PDCD11: variants seen among roughly 807,000 people sequenced by gnomAD.
PDCD11 encodes the protein programmed cell death 11, also known as protein RRP5 homolog.
Under a neutral mutation model 198.9 loss-of-function variants are expected in PDCD11, and 97 were observed. That is an observed-to-expected ratio of 0.49 (90% CI 0.41 to 0.58). The LOEUF (loss-of-function observed/expected upper bound fraction) is 0.58. Among genes scored for constraint, PDCD11 ranks in the 20% least tolerant of loss-of-function variants. The pLI is 0.00. For missense variants in PDCD11, 2,102 were observed against 2,312.7 expected, an observed-to-expected ratio of 0.91 and a Z score of 1.87; for synonymous variants, 893 against 918.0, an observed-to-expected ratio of 0.97 and a Z score of 0.49.
intron 13 of PDCD11, among the ~76,000 whole-genome samples, chr10:103,417,044 G>C (rs1277055365): frequency 6.6e-6 from 1 of 152,154 alleles, no homozygotes; most frequent in Non-Finnish European, 1.5e-5. Context: ...CACCACATGG[G>C]GGCAGTGCTG....
intron 34 of PDCD11, 46 bp from the exon 35 acceptor site, chr10:103,444,471 G>C (rs1228516142): frequency 6.3e-7 from 1 of 1,577,608 alleles, no homozygotes; most frequent in Non-Finnish European, 8.7e-7. Flanking sequence ...GTTGTGGTGA[G>C]GGGGCTGTCT....
chr10:103,429,184 A>G (rs1305797128), intron 21 of PDCD11, among the ~76,000 whole-genome samples: 1 of 152,126 alleles, frequency 6.6e-6, no homozygotes, highest in African/African-American at 2.4e-5. Context: ...GTTAAGATTC[A>G]TCTTACCTGC....
chr10:103,398,848 G>A (rs766623211), intron 2 of PDCD11, among the ~76,000 whole-genome samples: 2 of 152,014 alleles, frequency 1.3e-5, no homozygotes, highest in Admixed American at 6.6e-5. Context: ...GTGAAACCCC[G>A]TCTATACTAA....
At chr10:103,414,484 TTG>T (rs2030990728) in intron 11 of PDCD11, among the ~76,000 whole-genome samples, 154 bp downstream of exon 11, 1 of 152,278 alleles carries the variant, frequency 6.6e-6, no homozygotes, top group South Asian at 2.1e-4. Flanking sequence ...TTCTCTTTCT[TTG>T]GGTAACTCAT....
At chr10:103,407,858 A>G (rs1218408131) in intron 7 of PDCD11, among the ~76,000 whole-genome samples, 5 of 151,924 alleles carry the variant, frequency 3.3e-5, no homozygotes, top group Non-Finnish European at 5.9e-5. Flanking sequence ...AGCTGGGACT[A>G]CAGGCATACA....
intron 3 of PDCD11, among the ~76,000 whole-genome samples, chr10:103,401,719 G>A (rs941658647): frequency 7.9e-5 from 12 of 152,124 alleles, no homozygotes; most frequent in African/African-American, 2.9e-4. Context: ...GTTAGACTTG[G>A]TGCCAACATT....
At chr10:103,410,616 C>CTT (rs1316510810) in intron 8 of PDCD11, among the ~76,000 whole-genome samples, 1 of 89,760 alleles carries the variant, frequency 1.1e-5, no homozygotes, top group African/African-American at 4.1e-5. Flanking sequence ...TTTTTTTTTT[C>CTT]TTTTTTTTTT....
At chr10:103,417,337 A>G (rs945520005) in intron 13 of PDCD11, among the ~76,000 whole-genome samples, 7 of 152,128 alleles carry the variant, frequency 4.6e-5, no homozygotes, top group African/African-American at 1.7e-4. Flanking sequence ...ATACCCGGCT[A>G]ATTTTTGTAT....
intron 24 of PDCD11, 114 bp from the exon 25 acceptor site, chr10:103,434,684 C>T: frequency 2.5e-6 from 2 of 811,420 alleles, no homozygotes; most frequent in Non-Finnish European, 3.8e-6. Flanking sequence ...TCACTCAGCC[C>T]AGATACCCCA....
chr10:103,401,867 T>G (rs1176562731), intron 3 of PDCD11, among the ~76,000 whole-genome samples: 1 of 151,876 alleles, frequency 6.6e-6, no homozygotes, highest in Admixed American at 6.6e-5. Context: ...CTCAGCCTCC[T>G]GAGTAGCTGG....
intron 3 of PDCD11, among the ~76,000 whole-genome samples, chr10:103,401,296 G>A (rs969006463): frequency 1.7e-4 from 26 of 150,836 alleles, no homozygotes; most frequent in African/African-American, 6.1e-4. Flanking sequence ...ATTTTGAGAC[G>A]GAATCTCTCT....
At chr10:103,438,147 A>C in intron 26 of PDCD11, 76 bp downstream of exon 26, 1 of 1,295,076 alleles carries the variant, frequency 7.7e-7, no homozygotes, top group Non-Finnish European at 1.1e-6. Context: ...TGTATCTGAC[A>C]CAGAATTTTG....
chr10:103,432,258 A>G lies in PDCD11; in HGVS notation c.3474+24A>G, dbSNP rs376168301. 40 of 1,438,554 alleles carry G rather than the reference A, an allele frequency of 2.8e-5. No individual in the cohort carries two copies. The African/African-American group carries it at 2.8e-4, about 10-fold the overall frequency. The allele number at this position is 1,438,554 out of a possible 1,614,324, so 89.1% of individuals were successfully genotyped here. On this transcript the variant is annotated intron_variant, in intron 22 of 35. Coordinates refer to ENST00000369797, the MANE Select transcript of PDCD11 (RefSeq NM_014976.2). ...AAGTAAGTAGTTTTGCCACTCGGCA[A>G]TGAGATGTCATTCTTCTTTCAGAAA...
chr10:103,422,133 G>C (rs2031475563), intron 17 of PDCD11, among the ~76,000 whole-genome samples: 1 of 149,540 alleles, frequency 6.7e-6, no homozygotes, highest in Non-Finnish European at 1.5e-5. Context: ...CTGGGATGGA[G>C]TGTGGTGGTG....
chr10:103,426,055 A>T (rs2031681733), intron 20 of PDCD11, among the ~76,000 whole-genome samples: 1 of 152,222 alleles, frequency 6.6e-6, no homozygotes, highest in Non-Finnish European at 1.5e-5. Flanking sequence ...AACTGTGACC[A>T]TGTGGCAGTA....
In PDCD11 at chr10:103,405,015, T is replaced by C. The variant is rs1592112849; in HGVS notation, c.403-7T>C. 8.7e-6 allele frequency: 14 copies of C among 1,613,398 alleles called. No homozygotes were observed. The East Asian group carries it at 3.1e-4, about 36-fold the overall frequency. On this transcript the variant is annotated splice_region_variant and splice_polypyrimidine_tract_variant and intron_variant, in intron 4 of 35. Coordinates refer to ENST00000369797, the MANE Select transcript of PDCD11 (RefSeq NM_014976.2). ...TATATCAGGTCTTTCTCATTTGTGT[T>C]ATGCAGGACCTACTTCACTTGCCTG...
intron 24 of PDCD11, 80 bp from the exon 25 acceptor site, chr10:103,434,718 C>T (rs113584601): frequency 1.6e-6 from 2 of 1,260,622 alleles, no homozygotes; most frequent in African/African-American, 1.5e-5. Flanking sequence ...TCCACCTTCC[C>T]CAGCCTGTGT....
At position 103,440,198 on chromosome 10, in the gene PDCD11, C is replaced by T. The variant is rs76444040; in HGVS notation, c.4149-92C>T. ...GGCAGATGGGGGCAGGGCCCAGAAT[C>T]GTGGGCTGATCAGGAGGAAAAAGGC... is the stretch of plus-strand genomic sequence containing the variant. On this transcript the variant is annotated intron_variant, in intron 28 of 35. Coordinates refer to ENST00000369797, the MANE Select transcript of PDCD11 (RefSeq NM_014976.2). 1.7e-3 allele frequency: 2,618 copies of T among 1,516,096 alleles called. 35 individuals are homozygous for T. The African/African-American group carries it at 0.027, about 16-fold the overall frequency. The allele number at this position is 1,516,096 out of a possible 1,614,324, so 93.9% of individuals were successfully genotyped here.
rs769688119 is a variant in PDCD11 at position 103,400,519 on chromosome 10, T to C, written c.225T>C (p.Leu75=). The C allele has an allele frequency of 3.1e-6, 5 of 1,613,542 alleles. No homozygotes were observed. In the African/African-American group the frequency reaches 6.7e-5, roughly 22 times the overall value. ...SKSAREKFEI[L]SVESLCEGMR... ...CCGCAAGAGAGAAGTTTGAAATCCT[T>C]AGTGTTGAGGTTTGTTAAAGTTGGT... Residue 75 remains leucine, a synonymous_variant, in exon 3 of 36, where the codon CTT becomes CTC. Transcript: ENST00000369797.
Sources: gnomAD v4.1 joint callset for allele counts (sites outside exome capture counted in the v4.1 genomes callset) on GRCh38, gnomAD v4.1.1 for gene constraint, MANE v1.5 for transcripts, NCBI Gene and HGNC (gene_info 2026-07-23, HGNC 2026-07-21) for gene names.